The following DMD variants were observed in gnomAD, a reference collection of about 807,000 sequenced individuals.
DMD encodes dystrophin.
A neutral mutation model predicts 330.1 loss-of-function variants in DMD; 63 were observed. The ratio of observed to expected loss-of-function variants is 0.19; its 90% CI spans 0.16 to 0.24. The LOEUF (loss-of-function observed/expected upper bound fraction) is 0.24. Ranked by LOEUF, DMD falls within the 10% of genes least tolerant of loss-of-function variation. DMD has a pLI of 1.00. For synonymous variants in DMD, 1,223 were observed against 959.8 expected (o/e 1.27, Z -5.07); for missense variants, 3,344 against 2,684.1 (o/e 1.25, Z -5.43).
At chrX:31,900,840 G>T (rs5972460) in intron 47 of DMD, among the ~76,000 whole-genome samples, 1,917 of 111,273 alleles carry the variant, frequency 0.017, 28 homozygotes, top group Non-Finnish European at 0.028. Flanking sequence ...TCTCAAACCA[G>T]TTTGTAGACC....
At chrX:32,121,353 T>C (rs917591102) in intron 44 of DMD, among the ~76,000 whole-genome samples, 1 of 108,030 alleles carries the variant, frequency 9.3e-6, no homozygotes, top group Non-Finnish European at 1.9e-5. Flanking sequence ...AGTCCCTTCA[T>C]CTTGGTTAGG....
At chrX:32,969,329 T>C (rs1446031248) in intron 2 of DMD, among the ~76,000 whole-genome samples, 1 of 92,775 alleles carries the variant, frequency 1.1e-5, no homozygotes, top group Admixed American at 1.1e-4. Flanking sequence ...TTCTCTCACG[T>C]GCTACCACAT....
At chrX:32,933,949 C>T (rs775403648) in intron 2 of DMD, among the ~76,000 whole-genome samples, 1 of 111,380 alleles carries the variant, frequency 9.0e-6, no homozygotes, top group East Asian at 2.8e-4. Context: ...TTTATTTCTG[C>T]GGCTTGGATT....
intron 7 of DMD, among the ~76,000 whole-genome samples, chrX:32,769,165 A>G (rs2073329159): frequency 8.9e-6 from 1 of 112,664 alleles, no homozygotes; most frequent in Non-Finnish European, 1.9e-5. Context: ...ACTGCTGATA[A>G]ATACCTGCCG....
At chrX:32,809,213 C>A (rs985668099) in intron 7 of DMD, among the ~76,000 whole-genome samples, 2 of 111,807 alleles carry the variant, frequency 1.8e-5, no homozygotes, top group Non-Finnish European at 3.8e-5. Flanking sequence ...GGAGTCAATG[C>A]ACTCCAAATG....
chrX:33,122,168 GGAGCCGAGATTGCACCAGT>G (rs1273022518), intron 1 of DMD, among the ~76,000 whole-genome samples: 1 of 111,916 alleles, frequency 8.9e-6, no homozygotes, highest in African/African-American at 3.2e-5. Context: ...GAGGTTGCAG[GGAGCCGAGATTGCACCAGT>G]GAGCTCCAGC....
At chrX:31,211,890 C>G (rs960918962) in intron 64 of DMD, among the ~76,000 whole-genome samples, 1 of 111,492 alleles carries the variant, frequency 9.0e-6, no homozygotes, top group Non-Finnish European at 1.9e-5. Context: ...TTTCATGGAG[C>G]TATTTTGAAA....
At chrX:32,407,420 G>A (rs1376004376) in intron 30 of DMD, among the ~76,000 whole-genome samples, 2 of 111,096 alleles carry the variant, frequency 1.8e-5, no homozygotes, top group Non-Finnish European at 3.8e-5. Context: ...TCAAAACAAC[G>A]AGATACCATC....
At chrX:32,870,983 A>AAAAAAAAAAAAAAAATAAG (rs2082940408) in intron 2 of DMD, among the ~76,000 whole-genome samples, 1 of 47,387 alleles carries the variant, frequency 2.1e-5, no homozygotes, top group Non-Finnish European at 5.0e-5. Flanking sequence ...AAAAAAAAAA[A>AAAAAAAAAAAAAAAATAAG]AAAAACCACA....
At chrX:31,694,645 TATATAC>T (rs201219060) in intron 52 of DMD, among the ~76,000 whole-genome samples, 4,131 of 91,756 alleles carry the variant, frequency 0.045, 102 homozygotes, top group African/African-American at 0.052. Flanking sequence ...TATATATATA[TATATAC>T]ACACACATAT....
intron 44 of DMD, among the ~76,000 whole-genome samples, chrX:32,198,374 C>T (rs775834138): frequency 1.8e-5 from 2 of 111,694 alleles, no homozygotes; most frequent in African/African-American, 3.2e-5. Flanking sequence ...AAACTCCTCA[C>T]ACCCTCACAA....
At chrX:33,009,818 A>G (rs865982405) in intron 2 of DMD, among the ~76,000 whole-genome samples, 1 of 15,933 alleles carries the variant, frequency 6.3e-5, no homozygotes, top group African/African-American at 1.8e-4. Flanking sequence ...ATACACACAT[A>G]TGTGTATATG....
intron 43 of DMD, among the ~76,000 whole-genome samples, chrX:32,253,901 C>A (rs751147217): frequency 2.7e-5 from 3 of 111,694 alleles, no homozygotes; most frequent in African/African-American, 6.5e-5. Context: ...CGATTACAGG[C>A]GTGAGCCACC....
intron 44 of DMD, among the ~76,000 whole-genome samples, chrX:32,053,713 T>C (rs1053881478): frequency 9.0e-6 from 1 of 111,500 alleles, no homozygotes; most frequent in Non-Finnish European, 1.9e-5. Context: ...CCCGTTAAGG[T>C]TGGTTCTAAT....
chrX:32,702,074 T>C (rs957969885), intron 7 of DMD, among the ~76,000 whole-genome samples: 1 of 112,056 alleles, frequency 8.9e-6, no homozygotes, highest in Non-Finnish European at 1.9e-5. Flanking sequence ...TCAACATACA[T>C]TTTCAAGAAA....
chrX:31,205,917 C>A (rs747199989), intron 66 of DMD, among the ~76,000 whole-genome samples: 1 of 112,639 alleles, frequency 8.9e-6, no homozygotes, highest in South Asian at 3.7e-4. Context: ...AAGGGGAAAA[C>A]CAACTGCAGC....
At chrX:32,712,012 G>A (rs2065234153) in intron 7 of DMD, among the ~76,000 whole-genome samples, 2 of 111,784 alleles carry the variant, frequency 1.8e-5, no homozygotes, top group Non-Finnish European at 3.8e-5. Flanking sequence ...GTGCAAGTAA[G>A]GCATTTAGAG....
At chrX:32,782,262 G>A (rs1353964318) in intron 7 of DMD, among the ~76,000 whole-genome samples, 3 of 111,359 alleles carry the variant, frequency 2.7e-5, no homozygotes, top group South Asian at 3.7e-4. Flanking sequence ...CTACAGACTT[G>A]GTGTGTATAG....
rs769108175 is a variant in DMD, at chrX:31,183,656, GT to G, written c.9808-753del. On this transcript the variant is annotated intron_variant, in intron 67 of 78. Transcript: ENST00000357033. The stretch of plus-strand genomic sequence containing the variant: ...TATTCATGAATTTTAATTATACCTT[GT>G]TTTTTTCAACCCTATAGGATTGTTT... 3.6e-5 allele frequency among the ~76,000 whole-genome samples: 4 copies of G among 110,537 alleles called. 1 individual carries two copies. Among genetic ancestry groups the G allele is most frequent in the African/African-American group, 9.9e-5 (3 of 30,443 alleles).
Sources: gnomAD v4.1 joint callset for allele counts (sites outside exome capture counted in the v4.1 genomes callset) on GRCh38, gnomAD v4.1.1 for gene constraint, MANE v1.5 for transcripts, NCBI Gene and HGNC (gene_info 2026-07-23, HGNC 2026-07-21) for gene names.